The following PHACTR1 variants were observed in gnomAD, a reference collection of about 807,000 sequenced individuals.
PHACTR1 encodes the protein phosphatase and actin regulator 1.
Under a neutral mutation model 69.2 loss-of-function variants are expected in PHACTR1, and 16 were observed. That is an observed-to-expected ratio of 0.23 (90% confidence interval 0.16 to 0.35). The LOEUF is 0.35. PHACTR1 is among the 10% of genes least tolerant of loss of function. PHACTR1 has a pLI of 1.00. For synonymous variants in PHACTR1, 312 were observed against 284.5 expected (o/e 1.10, Z -0.97); for missense variants, 510 against 734.7 (o/e 0.69, Z 3.54).
chr6:13,074,456 G>T (rs1431406596), intron 5 of PHACTR1, among the ~76,000 whole-genome samples: 2 of 152,162 alleles, frequency 1.3e-5, no homozygotes, highest in Non-Finnish European at 2.9e-5. Flanking sequence ...GGAATACAAT[G>T]TGGCAAAAAT....
chr6:13,032,022 G>T (rs528892074), intron 4 of PHACTR1, among the ~76,000 whole-genome samples: 1 of 152,068 alleles, frequency 6.6e-6, no homozygotes, highest in African/African-American at 2.4e-5. Flanking sequence ...TGACCCTTAT[G>T]GAATTTACTA....
At chr6:13,227,672 T>C in intron 8 of PHACTR1, 144 bp from the exon 9 acceptor site, 2 of 1,106,900 alleles carry the variant, frequency 1.8e-6, no homozygotes, top group Non-Finnish European at 2.6e-6. Context: ...AGTGATTCCC[T>C]GTAAGATGAG....
At chr6:13,223,987 T>TAA (rs139577439) in intron 8 of PHACTR1, among the ~76,000 whole-genome samples, 3 of 151,940 alleles carry the variant, frequency 2.0e-5, no homozygotes, top group African/African-American at 7.3e-5. Flanking sequence ...CCCTGAAAAT[T>TAA]AAAAAAAACC....
intron 4 of PHACTR1, among the ~76,000 whole-genome samples, chr6:12,871,321 C>T (rs1041016221): frequency 3.3e-5 from 5 of 152,152 alleles, no homozygotes; most frequent in African/African-American, 7.2e-5. Flanking sequence ...TGCCTCAAAA[C>T]GCTTCCCTGT....
At chr6:13,175,232 A>G (rs1761158643) in intron 6 of PHACTR1, among the ~76,000 whole-genome samples, 1 of 152,236 alleles carries the variant, frequency 6.6e-6, no homozygotes, top group African/African-American at 2.4e-5. Context: ...AGAAAAAGAA[A>G]ACCTGAATAT....
chr6:12,830,875 C>T (rs1290941020), intron 4 of PHACTR1, among the ~76,000 whole-genome samples: 3 of 152,056 alleles, frequency 2.0e-5, no homozygotes, highest in Admixed American at 6.5e-5. Context: ...GGATTACAGG[C>T]ATGAGCCACT....
At chr6:12,950,220 T>G (rs1043687110) in intron 4 of PHACTR1, among the ~76,000 whole-genome samples, 4 of 152,234 alleles carry the variant, frequency 2.6e-5, no homozygotes, top group Non-Finnish European at 5.9e-5. Context: ...GGTCCCTCCA[T>G]GCAGGCTAAG....
At chr6:12,895,742 G>C (rs1409700340) in intron 4 of PHACTR1, among the ~76,000 whole-genome samples, 1 of 152,146 alleles carries the variant, frequency 6.6e-6, no homozygotes, top group Admixed American at 6.5e-5. Context: ...ATTGATTCTC[G>C]AGCCTAGCTG....
chr6:13,168,660 G>A (rs113438965), intron 6 of PHACTR1, among the ~76,000 whole-genome samples: 2,441 of 152,274 alleles, frequency 0.016, 54 homozygotes, highest in African/African-American at 0.053. Context: ...GGGGACTTAG[G>A]GAAGGCATCT....
rs73726203 is a variant in PHACTR1 at position 12,872,459 on chromosome 6, C to T, written c.250+122669C>T. Among the ~76,000 whole-genome samples, 276 of 152,244 alleles carry T rather than the reference C, an allele frequency of 1.8e-3. 1 individual carries two copies. Among genetic ancestry groups the T allele is most frequent in the African/African-American group, 6.5e-3 (270 of 41,534 alleles). On this transcript the variant is annotated intron_variant, in intron 4 of 14. Coordinates refer to ENST00000332995, the MANE Select transcript of PHACTR1 (RefSeq NM_030948.6). ...TCACAAACACACAGACACACACACA[C>T]ATACATGCAAATATACACCTGCCTT... is the stretch of plus-strand genomic sequence containing the variant.
intron 7 of PHACTR1, 107 bp downstream of exon 7, chr6:13,182,793 A>AC: frequency 8.8e-7 from 1 of 1,139,826 alleles, no homozygotes; most frequent in Non-Finnish European, 1.2e-6. Flanking sequence ...GACTATCCTG[A>AC]GCGTAAGGAT....
At chr6:12,895,674 C>T (rs1203765243) in intron 4 of PHACTR1, among the ~76,000 whole-genome samples, 4 of 152,202 alleles carry the variant, frequency 2.6e-5, no homozygotes, top group African/African-American at 7.2e-5. Context: ...GCATACTCCA[C>T]ACCTTTTATC....
chr6:12,856,049 A>G (rs1174469264), intron 4 of PHACTR1, among the ~76,000 whole-genome samples: 2 of 152,168 alleles, frequency 1.3e-5, no homozygotes, highest in Non-Finnish European at 2.9e-5. Flanking sequence ...TAAAGGTAAC[A>G]TATATCTTTA....
intron 4 of PHACTR1, among the ~76,000 whole-genome samples, chr6:12,845,841 A>G (rs1294758881): frequency 6.6e-6 from 1 of 152,106 alleles, no homozygotes; most frequent in Non-Finnish European, 1.5e-5. Context: ...AGTAACTTTG[A>G]CTTCTTTGTT....
intron 4 of PHACTR1, among the ~76,000 whole-genome samples, chr6:12,897,869 C>T (rs1262758548): frequency 6.6e-6 from 1 of 152,038 alleles, no homozygotes; most frequent in African/African-American, 2.4e-5. Context: ...CCCCTATTCC[C>T]TCACCCTCCA....
At chr6:12,738,314 C>T (rs7765181) in intron 3 of PHACTR1, among the ~76,000 whole-genome samples, 5,273 of 152,294 alleles carry the variant, frequency 0.035, 298 homozygotes, top group African/African-American at 0.12. Context: ...CCAATGTCCA[C>T]TCGTCCCTCG....
rs142912874 is a variant in PHACTR1 at position 12,812,746 on chromosome 6, C to T, written c.250+62956C>T. 5.1e-3 allele frequency among the ~76,000 whole-genome samples: 773 copies of T among 152,304 alleles called. 5 individuals carry two copies. Among genetic ancestry groups the T allele is most frequent in the African/African-American group, 0.018 (731 of 41,562 alleles). On this transcript the variant is annotated intron_variant, in intron 4 of 14. Coordinates refer to ENST00000332995, the MANE Select transcript of PHACTR1 (RefSeq NM_030948.6). The stretch of plus-strand genomic sequence containing the variant: ...AGAGTAGGCCAAACAGACCCTTGCT[C>T]GTGGTTTCCTGTGTTTGAAATCGCA...
intron 4 of PHACTR1, among the ~76,000 whole-genome samples, chr6:12,778,758 G>C (rs1053146922): frequency 6.6e-6 from 1 of 152,222 alleles, no homozygotes; most frequent in African/African-American, 2.4e-5. Context: ...TGAAAGAGTA[G>C]TCTCTATATA....
At chr6:13,020,614 G>A (rs530971203) in intron 4 of PHACTR1, among the ~76,000 whole-genome samples, 4 of 152,296 alleles carry the variant, frequency 2.6e-5, no homozygotes, top group Admixed American at 2.6e-4. Context: ...AAGAGTCACT[G>A]GAAGCAGGAC....
Sources: allele counts gnomAD v4.1 joint callset (sites outside exome capture counted in the v4.1 genomes callset), GRCh38; gene constraint gnomAD v4.1.1; transcripts MANE v1.5; gene names NCBI Gene and HGNC (gene_info 2026-07-23, HGNC 2026-07-21).